The following EPHA6 variants were observed in gnomAD, a reference collection of about 807,000 sequenced individuals.
EPHA6 encodes the protein EPH receptor A6.
A neutral mutation model predicts 112.0 loss-of-function variants in EPHA6; 50 were observed. The observed-to-expected ratio is 0.45, with a 90% CI of 0.36 to 0.56. The LOEUF (loss-of-function observed/expected upper bound fraction) is 0.56. Among genes scored for constraint, EPHA6 ranks in the 20% least tolerant of loss-of-function variants. EPHA6 has a pLI of 0.00. For synonymous variants in EPHA6, 529 were observed against 490.7 expected (o/e 1.08, Z -1.03); for missense variants, 1,280 against 1,417.4 (o/e 0.90, Z 1.56).
At chr3:97,072,484 T>C (rs958094923) in intron 3 of EPHA6, among the ~76,000 whole-genome samples, 4 of 152,088 alleles carry the variant, frequency 2.6e-5, no homozygotes, top group African/African-American at 9.7e-5. Context: ...TCACAGCCGT[T>C]AGAAGGCACC....
chr3:97,058,397 A>G (rs2045917918), intron 3 of EPHA6, among the ~76,000 whole-genome samples: 1 of 152,050 alleles, frequency 6.6e-6, no homozygotes, highest in African/African-American at 2.4e-5. Context: ...TCCCAGGTTC[A>G]AGAGATTCTC....
chr3:97,588,684 A>G (rs1575985190), intron 11 of EPHA6, among the ~76,000 whole-genome samples: 1 of 152,348 alleles, frequency 6.6e-6, no homozygotes, highest in South Asian at 2.1e-4. Context: ...GCAATGGTTT[A>G]TATTTATAAT....
At chr3:97,036,713 A>G (rs961233139) in intron 3 of EPHA6, among the ~76,000 whole-genome samples, 1 of 152,010 alleles carries the variant, frequency 6.6e-6, no homozygotes, top group Non-Finnish European at 1.5e-5. Context: ...TTAACATTTT[A>G]CATTTACTTT....
intron 5 of EPHA6, among the ~76,000 whole-genome samples, chr3:97,288,125 T>C (rs1424362635): frequency 6.6e-6 from 1 of 151,298 alleles, no homozygotes; most frequent in Non-Finnish European, 1.5e-5. Context: ...CATGTGCAGG[T>C]TTCTTACATG....
At chr3:97,352,796 C>T (rs1206344372) in intron 5 of EPHA6, among the ~76,000 whole-genome samples, 1 of 152,054 alleles carries the variant, frequency 6.6e-6, no homozygotes, top group Non-Finnish European at 1.5e-5. Flanking sequence ...CACATGACAC[C>T]AGCCAGGGTG....
intron 3 of EPHA6, among the ~76,000 whole-genome samples, chr3:97,170,153 C>T (rs1444451149): frequency 6.7e-6 from 1 of 149,066 alleles, no homozygotes; most frequent in Non-Finnish European, 1.5e-5. Flanking sequence ...TAGAAGGAAA[C>T]AATCACTGCT....
intron 5 of EPHA6, among the ~76,000 whole-genome samples, chr3:97,353,577 T>G (rs1297516106): frequency 6.6e-6 from 1 of 152,076 alleles, no homozygotes; most frequent in African/African-American, 2.4e-5. Context: ...AAGTTTTTCT[T>G]GGGGCTTGGG....
intron 6 of EPHA6, among the ~76,000 whole-genome samples, chr3:97,440,713 T>C (rs140307125): frequency 1.1e-4 from 16 of 151,330 alleles, no homozygotes; most frequent in Non-Finnish European, 2.4e-4. Context: ...TGCAGAAAAA[T>C]AAATTAGAAG....
intron 3 of EPHA6, among the ~76,000 whole-genome samples, chr3:97,093,171 A>G (rs1262791643): frequency 3.9e-5 from 6 of 152,166 alleles, no homozygotes; most frequent in Non-Finnish European, 8.8e-5. Flanking sequence ...TAAGTCTATA[A>G]CTTTTGGTGG....
chr3:97,182,869 G>A (rs1386577196), intron 3 of EPHA6, among the ~76,000 whole-genome samples: 1 of 152,104 alleles, frequency 6.6e-6, no homozygotes, highest in Non-Finnish European at 1.5e-5. Context: ...ATGTTTTACT[G>A]AAAAGTAGGT....
intron 12 of EPHA6, among the ~76,000 whole-genome samples, chr3:97,594,465 G>T (rs1206208821): frequency 1.3e-5 from 2 of 152,154 alleles, no homozygotes; most frequent in Admixed American, 1.3e-4. Flanking sequence ...CTTAAAAAAT[G>T]TATAGATCTA....
At chr3:96,865,451 G>T (rs997901025) in intron 1 of EPHA6, among the ~76,000 whole-genome samples, 1 of 151,818 alleles carries the variant, frequency 6.6e-6, no homozygotes, top group Admixed American at 6.6e-5. Flanking sequence ...GGAGGTCAAG[G>T]TGGGAGGGTC....
At chr3:97,264,740 C>T (rs922881729) in intron 5 of EPHA6, among the ~76,000 whole-genome samples, 11 of 152,196 alleles carry the variant, frequency 7.2e-5, no homozygotes, top group Non-Finnish European at 1.6e-4. Context: ...CAAAGAGTAG[C>T]TTTATTGAGC....
At chr3:96,980,535 G>T (rs2042724283) in intron 2 of EPHA6, among the ~76,000 whole-genome samples, 1 of 152,174 alleles carries the variant, frequency 6.6e-6, no homozygotes, top group Admixed American at 6.5e-5. Context: ...GGCAATGCGG[G>T]CTCTTTTTTG....
chr3:96,985,112 A>G (rs1420171621), intron 2 of EPHA6, among the ~76,000 whole-genome samples: 1 of 152,152 alleles, frequency 6.6e-6, no homozygotes, highest in Non-Finnish European at 1.5e-5. Flanking sequence ...TCAGTTGGAA[A>G]TGTAGAAATC....
chr3:97,521,142 A>G (rs1577654554), intron 10 of EPHA6, among the ~76,000 whole-genome samples: 1 of 148,652 alleles, frequency 6.7e-6, no homozygotes, highest in Non-Finnish European at 1.5e-5. Context: ...TCTGTGTTCT[A>G]TTGTATCTCA....
intron 2 of EPHA6, among the ~76,000 whole-genome samples, chr3:96,927,934 C>T (rs1205697242): frequency 6.6e-6 from 1 of 152,132 alleles, no homozygotes; most frequent in Non-Finnish European, 1.5e-5. Context: ...AAACATTTAA[C>T]TCATGGCAGA....
intron 3 of EPHA6, among the ~76,000 whole-genome samples, chr3:97,024,667 C>A (rs1348433703): frequency 6.6e-6 from 1 of 152,108 alleles, no homozygotes; most frequent in African/African-American, 2.4e-5. Context: ...TTTTAACTCA[C>A]ACTTTCTATG....
At chr3:96,957,061 G>A (rs2041794074) in intron 2 of EPHA6, among the ~76,000 whole-genome samples, 1 of 151,576 alleles carries the variant, frequency 6.6e-6, no homozygotes, top group African/African-American at 2.4e-5. Context: ...CTGAACCACA[G>A]TGATGAGAAA....
Sources: allele counts gnomAD v4.1 joint callset (sites outside exome capture counted in the v4.1 genomes callset), GRCh38; gene constraint gnomAD v4.1.1; transcripts MANE v1.5; gene names NCBI Gene and HGNC (gene_info 2026-07-23, HGNC 2026-07-21).